Variants in NYAP2 observed in about 807,000 individuals in gnomAD.
NYAP2 encodes the protein neuronal tyrosine-phosphorylated phosphoinositide-3-kinase adaptor 2.
Under a neutral mutation model 50.4 loss-of-function variants are expected in NYAP2, and 23 were observed. The observed-to-expected ratio is 0.46, with a 90% CI of 0.33 to 0.65. The LOEUF is 0.65. Ranked by LOEUF, NYAP2 falls within the 30% of genes least tolerant of loss-of-function variation. The pLI, the probability that NYAP2 is intolerant of heterozygous loss-of-function variation, is 0.02. For synonymous variants in NYAP2, 394 were observed against 365.2 expected, an observed-to-expected ratio of 1.08 and a Z score of -0.90; for missense variants, 885 against 861.0, an observed-to-expected ratio of 1.03 and a Z score of -0.35.
At chr2:225,587,812 T>A (rs1020274209) in intron 5 of NYAP2, among the ~76,000 whole-genome samples, 1 of 129,842 alleles carries the variant, frequency 7.7e-6, no homozygotes, top group African/African-American at 2.7e-5. Context: ...AAAAGAGAAA[T>A]GATGTCTTGG....
chr2:225,657,964 A>C (rs534638718), downstream of NYAP2, among the ~76,000 whole-genome samples: 1 of 152,352 alleles, frequency 6.6e-6, no homozygotes, highest in South Asian at 2.1e-4. Context: ...CAAGTGTTGA[A>C]CAAAAGTGTT....
intron 3 of NYAP2, among the ~76,000 whole-genome samples, chr2:225,491,119 G>A (rs1690395345): frequency 6.6e-6 from 1 of 152,128 alleles, no homozygotes; most frequent in Non-Finnish European, 1.5e-5. Context: ...TCTTGACACA[G>A]GACTGTAAAA....
intron 3 of NYAP2, 96 bp downstream of exon 3, chr2:225,409,197 T>A: frequency 1.1e-6 from 1 of 895,172 alleles, no homozygotes; most frequent in Non-Finnish European, 1.7e-6. Context: ...AGAAAAGGTC[T>A]TCCAGAGTCA....
intron 3 of NYAP2, among the ~76,000 whole-genome samples, chr2:225,476,412 C>CAA (rs61496030): frequency 2.0e-3 from 199 of 97,388 alleles, no homozygotes; most frequent in African/African-American, 5.2e-3. Context: ...GACTCTGTCT[C>CAA]AAAAAAAAAA....
At chr2:225,436,555 T>C (rs1689380638) in intron 3 of NYAP2, among the ~76,000 whole-genome samples, 1 of 152,066 alleles carries the variant, frequency 6.6e-6, no homozygotes. Context: ...ATGACCTTAT[T>C]TTACCTAATT....
chr2:225,666,842 C>G, the NYAP2 span, among the ~76,000 whole-genome samples: 335 of 145,014 alleles, frequency 2.3e-3, 4 homozygotes, highest in Non-Finnish European at 3.0e-3. Flanking sequence ...ATTCCCCCCC[C>G]TCCATGCCCC....
At chr2:225,699,895 T>A in the NYAP2 span, 1 of 151,916 alleles carries the variant, frequency 6.6e-6, no homozygotes, top group Non-Finnish European at 1.5e-5. Flanking sequence ...AAAAAGAAAC[T>A]ATCGCATATA....
chr2:225,692,774 T>C, the NYAP2 span, among the ~76,000 whole-genome samples: 2 of 152,030 alleles, frequency 1.3e-5, no homozygotes, highest in East Asian at 1.9e-4. Context: ...CATTTAGCTC[T>C]TTCCATGATA....
chr2:225,436,739 C>CAA (rs755609110), intron 3 of NYAP2, among the ~76,000 whole-genome samples: 9 of 109,416 alleles, frequency 8.2e-5, no homozygotes, highest in South Asian at 6.6e-4. Context: ...TCTGTATAGT[C>CAA]AAAAAAAAAA....
At chr2:225,682,222 T>C in the NYAP2 span, among the ~76,000 whole-genome samples, 1 of 152,128 alleles carries the variant, frequency 6.6e-6, no homozygotes, top group Non-Finnish European at 1.5e-5. Context: ...TGTTACAAAA[T>C]ATAGGGTCTT....
intron 5 of NYAP2, among the ~76,000 whole-genome samples, chr2:225,594,549 A>G (rs1338434228): frequency 2.0e-5 from 3 of 152,138 alleles, no homozygotes; most frequent in Admixed American, 6.5e-5. Context: ...TAAAATAAAA[A>G]CATTCAAATA....
At chr2:225,700,313 G>T in the NYAP2 span, 116 of 151,952 alleles carry the variant, frequency 7.6e-4, no homozygotes, top group African/African-American at 2.7e-3. Context: ...GCATGTGTGT[G>T]TGTGTGAGTG....
intron 3 of NYAP2, among the ~76,000 whole-genome samples, chr2:225,505,856 C>T (rs72974574): frequency 2.8e-4 from 43 of 152,278 alleles, no homozygotes; most frequent in Admixed American, 1.4e-3. Context: ...GGCCTGGAGA[C>T]CTGGTCCCAC....
At chr2:225,675,901 T>C in the NYAP2 span, among the ~76,000 whole-genome samples, 2 of 152,170 alleles carry the variant, frequency 1.3e-5, no homozygotes, top group Non-Finnish European at 2.9e-5. Flanking sequence ...ATTAGCGATC[T>C]TAAACATTTT....
rs564720591 is a variant in NYAP2 at position 225,574,554 on chromosome 2, C to T, written c.524-7387C>T. Among the ~76,000 whole-genome samples the T allele has an allele frequency of 2.6e-5, 4 of 152,260 alleles. No homozygotes were observed. In the East Asian group the frequency reaches 7.7e-4, roughly 29 times the overall value. On this transcript the variant is annotated intron_variant, in intron 4 of 6. Transcript: ENST00000636099. The stretch of plus-strand genomic sequence containing the variant: ...AGTAGTTTTCCTAGCTACTTCCAGC[C>T]TTTAAAAGTTTTGGGGCCCAAAGTG...
chr2:225,416,527 A>G (rs897888790), intron 3 of NYAP2, among the ~76,000 whole-genome samples: 9 of 152,112 alleles, frequency 5.9e-5, no homozygotes, highest in Non-Finnish European at 1.3e-4. Context: ...AAACTTCAGA[A>G]TTTATAAATT....
chr2:225,648,436 A>T (rs1693673566), intron 6 of NYAP2, among the ~76,000 whole-genome samples: 1 of 152,196 alleles, frequency 6.6e-6, no homozygotes, highest in Admixed American at 6.5e-5. Flanking sequence ...AACATTTTTG[A>T]ACAAGATGAG....
In NYAP2 at chr2:225,629,137, G is replaced by A. The variant is rs536644246; in HGVS notation, c.1828+2011G>A. Among the ~76,000 whole-genome samples, 3 of 152,292 alleles carry A rather than the reference G, an allele frequency of 2.0e-5. No homozygotes were observed. In the South Asian group the frequency reaches 6.2e-4, roughly 32 times the overall value. On this transcript the variant is annotated intron_variant, in intron 6 of 6. Coordinates refer to ENST00000636099, the Ensembl canonical transcript of NYAP2. Reference sequence around the variant, plus strand: ...GCAGAGTTCTAGTCCAAGCTCAAAGGCCTGAGAACTAGGGGAGTCAATGGT... The same window carrying A: ...GCAGAGTTCTAGTCCAAGCTCAAAGACCTGAGAACTAGGGGAGTCAATGGT...
intron 5 of NYAP2, among the ~76,000 whole-genome samples, chr2:225,608,757 T>G (rs1692831648): frequency 6.6e-6 from 1 of 152,186 alleles, no homozygotes; most frequent in Non-Finnish European, 1.5e-5. Context: ...AAGGAGGATC[T>G]GTGATTTGGG....
Sources: gnomAD v4.1 joint callset for allele counts (sites outside exome capture counted in the v4.1 genomes callset) on GRCh38, gnomAD v4.1.1 for gene constraint, MANE v1.5 for transcripts, NCBI Gene and HGNC (gene_info 2026-07-23, HGNC 2026-07-21) for gene names.